Variants in RNF44 observed in about 807,000 individuals in gnomAD.
RNF44 encodes the protein ring finger protein 44.
A neutral mutation model predicts 53.6 loss-of-function variants in RNF44; 25 were observed. The observed-to-expected ratio is 0.47, with a 90% CI of 0.34 to 0.65. The LOEUF (loss-of-function observed/expected upper bound fraction) is 0.65. RNF44 is among the 30% of genes least tolerant of loss of function. RNF44 has a pLI of 0.01. For synonymous variants in RNF44, 282 were observed against 252.2 expected (o/e 1.12, Z -1.12); for missense variants, 581 against 595.5 (o/e 0.98, Z 0.25).
At position 176,529,832 on chromosome 5, in the gene RNF44, A is replaced by G; in HGVS notation, c.927-14T>C. 1.9e-6 allele frequency: 3 copies of G among 1,581,788 alleles called. No individual in the cohort carries two copies. Among genetic ancestry groups the G allele is most frequent in the Non-Finnish European group, 2.6e-6 (3 of 1,164,368 alleles). ...GGCAGCATCGAGCTAGAGAGAGACA[A>G]GTGTGGGGGCCCAGGGTCAAGGTCA... is the stretch of plus-strand genomic sequence containing the variant. On this transcript the variant is annotated splice_polypyrimidine_tract_variant and intron_variant, in intron 7 of 10. Transcript: ENST00000274811.
chr5:176,532,308 C>A (rs1053300339), intron 2 of RNF44, 58 bp downstream of exon 2: 2 of 1,541,878 alleles, frequency 1.3e-6, no homozygotes, highest in Non-Finnish European at 1.7e-6. Context: ...CAGGGCCCTG[C>A]GCCCCACCCC....
the RNF44 span, among the ~76,000 whole-genome samples, chr5:176,543,073 G>C: frequency 6.6e-6 from 1 of 151,806 alleles, no homozygotes; most frequent in Non-Finnish European, 1.5e-5. This position sits in a 1 kb window ranked among gnomAD's most constrained non-coding sequence, Gnocchi z 4.0. Flanking sequence ...TAGCGGACGG[G>C]GAGAAGAGCG....
Position 176,530,663 on chromosome 5 carries a change from C to T in RNF44, c.720G>A (p.Ala240=), listed in dbSNP as rs753111414. ...SLGSFTYSTS[A]PGPALSPSVP... ...CCGACGGGGAAAGGGCTGGGCCAGG[C>T]GCAGAGGTGGAGTAGGTGAAGCTGC... is the stretch of plus-strand genomic sequence containing the variant. The change falls in exon 6 of 11, where the codon GCG becomes GCA. Residue 240 remains alanine, a synonymous_variant. Transcript: ENST00000274811. The T allele has an allele frequency of 2.5e-5, 38 of 1,534,300 alleles. No individual in the cohort carries two copies. The East Asian group carries it at 5.3e-4, about 22-fold the overall frequency.
At chr5:176,534,827 T>C (rs924053385) in intron 1 of RNF44, among the ~76,000 whole-genome samples, 1 of 152,224 alleles carries the variant, frequency 6.6e-6, no homozygotes, top group Non-Finnish European at 1.5e-5. Flanking sequence ...TCAGCTGGAA[T>C]CGTGAGTGCG....
chr5:176,527,798 C>T lies in RNF44; in HGVS notation c.*1230G>A, dbSNP rs978346726. 1.3e-5 allele frequency: 2 copies of T among 152,344 alleles called. No homozygotes were observed. The highest frequency in any genetic ancestry group is 1.9e-4 in the East Asian group (1 of 5,192). The allele number at this position is 152,344 out of a possible 1,614,324, so 9.4% of individuals were successfully genotyped here. On this transcript the variant is annotated 3_prime_UTR_variant, in exon 11 of 11. Transcript: ENST00000274811. ...AAGCTCAGCCAGACCCTACAGCGGC[C>T]TCCTCCAGAACTTGGAGGACAGGGA...
At position 176,535,448 on chromosome 5, in the gene RNF44, T is replaced by A. The variant is rs145726120; in HGVS notation, c.-45+1492A>T. 7.2e-3 allele frequency among the ~76,000 whole-genome samples: 1,097 copies of A among 152,252 alleles called. 17 individuals are homozygous for A. Among genetic ancestry groups the A allele is most frequent in the African/African-American group, 0.025 (1,053 of 41,524 alleles). On this transcript the variant is annotated intron_variant, in intron 1 of 10. Coordinates refer to ENST00000274811, the MANE Select transcript of RNF44 (RefSeq NM_014901.5). ...CTCAGCTGGTAAGAGTGGATCCTGG[T>A]TCTTTAAGCCCTGCCAGGAACAGGG... is the stretch of plus-strand genomic sequence containing the variant.
chr5:176,541,621 G>A (rs183903169), upstream of RNF44, among the ~76,000 whole-genome samples: 2 of 152,248 alleles, frequency 1.3e-5, no homozygotes, highest in African/African-American at 4.8e-5. Flanking sequence ...GAAGGGCTTG[G>A]GCAAGCAGAG....
At chr5:176,529,201 C>G in intron 10 of RNF44, 87 bp downstream of exon 10, 1 of 1,553,388 alleles carries the variant, frequency 6.4e-7, no homozygotes, top group Non-Finnish European at 8.8e-7. Context: ...GAGATGATGA[C>G]AAGGACAAGG....
chr5:176,532,165 G>A lies in RNF44; in HGVS notation c.136C>T (p.Pro46Ser). 6.5e-7 allele frequency: 1 copy of A among 1,548,304 alleles called. No homozygotes were observed. Among genetic ancestry groups the A allele is most frequent in the Non-Finnish European group, 8.7e-7 (1 of 1,150,054 alleles). Residue 46 changes from proline (P) to serine (S), a missense_variant, in exon 3 of 11, where the codon CCG (proline) becomes TCG (serine). Physicochemically the swap from Pro to Ser is moderately conservative, Grantham distance 74 (BLOSUM62 -1). This residue lies in a region of RNF44 where 387 missense variants were observed against 366.0 expected (regional missense o/e 1.06). Coordinates refer to ENST00000274811, the MANE Select transcript of RNF44 (RefSeq NM_014901.5). ...GGTAAGCGCTCATCCCGGGCAGGCG[G>A]GCTGGCCAGGGGGCCCTCGAGGCCA... Reference protein sequence around the residue: ...SPGLEGPLASPPARDERLPSQ... With the variant: ...SPGLEGPLASSPARDERLPSQ...
At chr5:176,538,700 G>T (rs370631148), upstream of RNF44, among the ~76,000 whole-genome samples, 4 of 87,716 alleles carry the variant, frequency 4.6e-5, no homozygotes, top group Non-Finnish European at 9.0e-5. Flanking sequence ...CCATGGGGCA[G>T]GGGGATGGGG....
At position 176,529,527 on chromosome 5, in the gene RNF44, T is replaced by A; in HGVS notation, c.1132A>T (p.Thr378Ser). The change falls in exon 9 of 11, where the codon ACG becomes TCG. Residue 378 changes from threonine to serine, a missense_variant. By Grantham distance (58) the Thr-to-Ser change is moderately conservative (BLOSUM62 1). This residue lies in a region of RNF44 where 183 missense variants were observed against 198.6 expected (regional missense o/e 0.92). Transcript: ENST00000274811. ...FNPDSHQSEQTLCVVCFSDFE... is the reference protein window; with the variant it reads ...FNPDSHQSEQSLCVVCFSDFE... ...GAGGTGGGGCAGGGTACTCACAGCG[T>A]CTGCTCCGACTGATGGCTGTCCGGG... 1 of 1,613,922 alleles carries A rather than the reference T, an allele frequency of 6.2e-7. No homozygotes were observed. Among genetic ancestry groups the A allele is most frequent in the Non-Finnish European group, 8.5e-7 (1 of 1,179,994 alleles).
At chr5:176,538,599 G>A (rs967981412), upstream of RNF44, among the ~76,000 whole-genome samples, 3 of 152,208 alleles carry the variant, frequency 2.0e-5, no homozygotes, top group African/African-American at 4.8e-5. Flanking sequence ...ACCACAAAGA[G>A]GCAGCTGGAG....
At chr5:176,540,956 TG>T (rs1723798273), upstream of RNF44, among the ~76,000 whole-genome samples, 1 of 152,238 alleles carries the variant, frequency 6.6e-6, no homozygotes, top group Non-Finnish European at 1.5e-5. Context: ...TCAGGGTCAC[TG>T]ATGGATCTTA....
chr5:176,530,338 GCCTGCCTCCCAGCCGCCCCGGA>G (rs1756484918), intron 6 of RNF44, 132 bp from the exon 7 acceptor site: 3 of 381,772 alleles, frequency 7.9e-6, no homozygotes, highest in Non-Finnish European at 1.2e-5. Flanking sequence ...AGCCCGGTGG[GCCTGCCTCCCAGCCGCCCCGGA>G]GCCCACGTGC....
upstream of RNF44, among the ~76,000 whole-genome samples, chr5:176,539,466 G>A (rs1410571652): frequency 6.6e-6 from 1 of 152,184 alleles, no homozygotes; most frequent in Non-Finnish European, 1.5e-5. Context: ...CAGGCGGGCA[G>A]ATCACAAGGT....
Position 176,530,830 on chromosome 5 carries a change from G to T in RNF44, c.639+18C>A. 3 of 1,259,906 alleles carry T rather than the reference G, an allele frequency of 2.4e-6. No homozygotes were observed. The highest frequency in any genetic ancestry group is 6.1e-5 in the East Asian group (1 of 16,272). 78.0% of individuals were successfully genotyped at this position (1,259,906 alleles called of 1,614,324 possible). On this transcript the variant is annotated intron_variant, in intron 5 of 10. Coordinates refer to ENST00000274811, the MANE Select transcript of RNF44 (RefSeq NM_014901.5). The stretch of plus-strand genomic sequence containing the variant: ...CCCCACGCCATCTCCCTCCAGCATC[G>T]GACCCATGCCGACTCACCATCCGAG...
upstream of RNF44, among the ~76,000 whole-genome samples, chr5:176,541,339 A>T (rs964152883): frequency 2.0e-5 from 3 of 152,200 alleles, no homozygotes; most frequent in African/African-American, 7.2e-5. Flanking sequence ...AGTGTCATGC[A>T]GCCATCAAGG....
intron 5 of RNF44, 46 bp downstream of exon 5, chr5:176,530,802 T>TCCCC: frequency 7.0e-7 from 1 of 1,424,486 alleles, no homozygotes; most frequent in Non-Finnish European, 9.2e-7. Flanking sequence ...TCACCCTGCC[T>TCCCC]CCCCCCACGC....
chr5:176,536,725 C>G (rs551158759), intron 1 of RNF44, among the ~76,000 whole-genome samples: 2 of 149,318 alleles, frequency 1.3e-5, no homozygotes, highest in Non-Finnish European at 3.0e-5. Flanking sequence ...CCTCTCCAAC[C>G]GCAGCGCTCA....
Sources: gnomAD v4.1 joint callset for allele counts (sites outside exome capture counted in the v4.1 genomes callset) on GRCh38, gnomAD v4.1.1 for gene constraint, gnomAD v4.1.1 regional missense constraint, Gnocchi (gnomAD v3.1) non-coding constraint, MANE v1.5 for transcripts, NCBI Gene and HGNC (gene_info 2026-07-23, HGNC 2026-07-21) for gene names.